RPSA2: variants seen among roughly 807,000 people sequenced by gnomAD.
The protein encoded by RPSA2 is ribosomal protein SA 2.
At chr19:23,831,483 G>T in the RPSA2 span, 1 of 152,388 alleles carries the variant, frequency 6.6e-6, no homozygotes, top group Non-Finnish European at 1.5e-5. Context: ...GTGGTATTTT[G>T]CAATGCCCTC....
At chr19:23,824,582 T>TTC in the RPSA2 span, among the ~76,000 whole-genome samples, 228 of 108,720 alleles carry the variant, frequency 2.1e-3, 39 homozygotes, top group Non-Finnish European at 3.3e-3. Context: ...TAGCATTTCT[T>TTC]TTTTTTTTTT....
the RPSA2 span, among the ~76,000 whole-genome samples, chr19:23,859,152 A>G: frequency 2.0e-5 from 3 of 152,142 alleles, no homozygotes; most frequent in Non-Finnish European, 2.9e-5. Context: ...AAACTAATTA[A>G]TTTATTAGTT....
At chr19:23,769,776 C>T in the RPSA2 span, among the ~76,000 whole-genome samples, 2 of 152,120 alleles carry the variant, frequency 1.3e-5, no homozygotes, top group South Asian at 4.1e-4. Flanking sequence ...GGGTCAAGAA[C>T]CTAGATGAGG....
At chr19:23,841,047 G>A in the RPSA2 span, among the ~76,000 whole-genome samples, 9 of 150,022 alleles carry the variant, frequency 6.0e-5, 1 homozygote, top group Non-Finnish European at 5.9e-5. Flanking sequence ...TTTATGATTA[G>A]ATTCAGATTA....
At chr19:23,867,760 G>A in the RPSA2 span, among the ~76,000 whole-genome samples, 7 of 151,358 alleles carry the variant, frequency 4.6e-5, no homozygotes, top group Non-Finnish European at 8.8e-5. Context: ...AACCCGGGAG[G>A]CAGAGCTTGC....
the RPSA2 span, among the ~76,000 whole-genome samples, chr19:23,860,590 CA>C: frequency 6.7e-6 from 1 of 149,918 alleles, no homozygotes; most frequent in Admixed American, 6.6e-5. Context: ...AAATGGTTCC[CA>C]ATGCAAGCTT....
chr19:23,775,876 G>A, the RPSA2 span, among the ~76,000 whole-genome samples: 1 of 152,176 alleles, frequency 6.6e-6, no homozygotes, highest in Admixed American at 6.5e-5. Context: ...ACCAAGAACT[G>A]GGGTATATAC....
At chr19:23,813,962 C>T in the RPSA2 span, among the ~76,000 whole-genome samples, 1 of 152,006 alleles carries the variant, frequency 6.6e-6, no homozygotes, top group African/African-American at 2.4e-5. Flanking sequence ...ACCTTGTGAT[C>T]TGCTCACCTC....
At chr19:23,803,592 A>T in the RPSA2 span, among the ~76,000 whole-genome samples, 27 of 2,348 alleles carry the variant, frequency 0.011, 7 homozygotes, top group East Asian at 0.5. Context: ...TACATTTTTT[A>T]AAAAAAATCA....
At chr19:23,758,921 T>A in the RPSA2 span, 2 of 802,886 alleles carry the variant, frequency 2.5e-6, no homozygotes, top group Admixed American at 2.5e-5. Flanking sequence ...GAAGCCGCCC[T>A]GTCTGCTCCA....
the RPSA2 span, among the ~76,000 whole-genome samples, chr19:23,779,174 G>C: frequency 6.6e-6 from 1 of 151,704 alleles, no homozygotes; most frequent in Non-Finnish European, 1.5e-5. Flanking sequence ...CTAATTTTTT[G>C]TATTTTTAGT....
the RPSA2 span, among the ~76,000 whole-genome samples, chr19:23,764,643 C>G: frequency 3.3e-5 from 5 of 151,954 alleles, no homozygotes; most frequent in South Asian, 2.1e-4. Flanking sequence ...CTGTGCCCTG[C>G]TAATTTTTAT....
chr19:23,832,677 C>T, the RPSA2 span: 2 of 1,491,256 alleles, frequency 1.3e-6, no homozygotes, highest in African/African-American at 1.4e-5. Flanking sequence ...GGTTCATTAC[C>T]CTAACTGGTC....
the RPSA2 span, among the ~76,000 whole-genome samples, chr19:23,813,155 G>T: frequency 6.7e-6 from 1 of 149,520 alleles, no homozygotes; most frequent in African/African-American, 2.5e-5. Context: ...GGTTACTTGA[G>T]CCTGGGACTG....
the RPSA2 span, among the ~76,000 whole-genome samples, chr19:23,773,794 T>C: frequency 6.6e-6 from 1 of 152,168 alleles, no homozygotes; most frequent in South Asian, 2.1e-4. Flanking sequence ...CTTCACTAAT[T>C]AGACAAAGTC....
At chr19:23,800,700 A>G in the RPSA2 span, among the ~76,000 whole-genome samples, 1 of 151,300 alleles carries the variant, frequency 6.6e-6, no homozygotes, top group East Asian at 2.0e-4. Context: ...TGCAGCCTCC[A>G]CCTCCTGGGT....
At chr19:23,841,235 C>CA in the RPSA2 span, among the ~76,000 whole-genome samples, 2 of 152,008 alleles carry the variant, frequency 1.3e-5, no homozygotes, top group Non-Finnish European at 2.9e-5. Flanking sequence ...GAGGCCGAGG[C>CA]AGGCAGATCA....
chr19:23,832,498 C>G, the RPSA2 span: 1 of 547,850 alleles, frequency 1.8e-6, no homozygotes, highest in South Asian at 1.7e-5. Context: ...AACCTTTTAG[C>G]CAAAACTCAA....
At chr19:23,761,061 T>TATAC in the RPSA2 span, among the ~76,000 whole-genome samples, 1 of 118,780 alleles carries the variant, frequency 8.4e-6, no homozygotes, top group Non-Finnish European at 1.7e-5. Flanking sequence ...TGTATATATA[T>TATAC]ATATGTTTGT....
Sources: allele counts gnomAD v4.1 joint callset (sites outside exome capture counted in the v4.1 genomes callset), GRCh38; gene constraint gnomAD v4.1.1; transcripts MANE v1.5; gene names NCBI Gene and HGNC (gene_info 2026-07-23, HGNC 2026-07-21).